The following NOPCHAP1 variants were observed in gnomAD, a reference collection of about 807,000 sequenced individuals.
NOPCHAP1 encodes DNA damage-sensitive RNA 1.
A neutral mutation model predicts 14.0 loss-of-function variants in NOPCHAP1; 13 were observed. The ratio of observed to expected loss-of-function variants is 0.93; its 90% CI spans 0.60 to 1.47. NOPCHAP1 has a LOEUF of 1.47. NOPCHAP1 is among the 40% of genes most tolerant of loss of function. NOPCHAP1 has a pLI of 0.00. For synonymous variants in NOPCHAP1, 78 were observed against 78.4 expected (o/e 1.00, Z 0.03); for missense variants, 230 against 226.9 (o/e 1.01, Z -0.09).
chr12:104,988,748 A>G (rs1008526443), intron 2 of NOPCHAP1, among the ~76,000 whole-genome samples: 1 of 152,216 alleles, frequency 6.6e-6, no homozygotes, highest in African/African-American at 2.4e-5. Context: ...CACTCTTAAT[A>G]TTAAAAAAAG....
rs1873763454 is a variant in NOPCHAP1, at chr12:105,009,077, A to G, written c.*14381A>G. On this transcript the variant is annotated 3_prime_UTR_variant, in exon 4 of 4. Transcript: ENST00000552951. ...GAATCTATAAATTACTTTAGGCAGT[A>G]TGGCCATTTTCACGATATTGATTCT... The G allele has an allele frequency of 6.6e-6, 1 of 152,134 alleles. No homozygotes were observed. Among genetic ancestry groups the G allele is most frequent in the Non-Finnish European group, 1.5e-5 (1 of 68,014 alleles). 9.4% of individuals were successfully genotyped at this position (152,134 alleles called of 1,614,324 possible). A position where few individuals can be genotyped will look rare whatever the true frequency, so the allele number is the denominator to read the frequency against.
At chr12:104,988,734 A>G (rs1010007561) in intron 2 of NOPCHAP1, among the ~76,000 whole-genome samples, 2 of 152,200 alleles carry the variant, frequency 1.3e-5, no homozygotes, top group Non-Finnish European at 2.9e-5. Flanking sequence ...CCCTCTATGT[A>G]ATTCACTCTT....
In NOPCHAP1 at chr12:105,005,952, C is replaced by T. The variant is rs972212020; in HGVS notation, c.*11256C>T. ...ACTGATGCTTCTCCATCTTCCTCAT[C>T]GTCTGGCACTGTGGCTCAGAAGCAT... On this transcript the variant is annotated 3_prime_UTR_variant, in exon 4 of 4. Coordinates refer to ENST00000552951, the MANE Select transcript of NOPCHAP1 (RefSeq NM_152318.3). 2 of 152,300 alleles carry T rather than the reference C, an allele frequency of 1.3e-5. No individual in the cohort carries two copies. The highest frequency in any genetic ancestry group is 4.8e-5 in the African/African-American group (2 of 41,464). 9.4% of individuals were successfully genotyped at this position (152,300 alleles called of 1,614,324 possible). A position where few individuals can be genotyped will look rare whatever the true frequency, so the allele number is the denominator to read the frequency against.
chr12:104,990,869 G>C (rs1191105226), intron 2 of NOPCHAP1, among the ~76,000 whole-genome samples: 1 of 152,058 alleles, frequency 6.6e-6, no homozygotes, highest in Non-Finnish European at 1.5e-5. Context: ...TCTTTTTATT[G>C]GGGGAAAAAT....
intron 3 of NOPCHAP1, among the ~76,000 whole-genome samples, chr12:104,993,367 A>G (rs904598490): frequency 4.0e-5 from 6 of 151,858 alleles, no homozygotes; most frequent in East Asian, 1.9e-4. Context: ...TTTATTGGGG[A>G]AAAAAAACCT....
chr12:104,988,038 T>C (rs1873280105), intron 1 of NOPCHAP1, 129 bp from the exon 2 acceptor site: 2 of 614,314 alleles, frequency 3.3e-6, no homozygotes, highest in Non-Finnish European at 5.6e-6. Flanking sequence ...GAGTTCTCCT[T>C]TAAAAAAAAA....
intron 2 of NOPCHAP1, among the ~76,000 whole-genome samples, chr12:104,988,655 T>C (rs1304198430): frequency 6.6e-6 from 1 of 152,212 alleles, no homozygotes; most frequent in Non-Finnish European, 1.5e-5. Context: ...GTTCTCTTTA[T>C]TATTCTGTAG....
rs1246444081 is a variant in NOPCHAP1, at chr12:105,002,259, AC to A, written c.*7565del. 6.6e-6 allele frequency: 1 copy of A among 152,082 alleles called. No homozygotes were observed. Among genetic ancestry groups the A allele is most frequent in the African/African-American group, 2.4e-5 (1 of 41,404 alleles). 9.4% of individuals were successfully genotyped at this position (152,082 alleles called of 1,614,324 possible). A position where few individuals can be genotyped will look rare whatever the true frequency, so the allele number is the denominator to read the frequency against. ...TAATTAGAGAGACATGAGCTTTTCGACCTTTAGTCTTTTACTTACTCTATTC... is the reference window on the plus strand; with the variant it reads ...TAATTAGAGAGACATGAGCTTTTCGACTTTAGTCTTTTACTTACTCTATTC... On this transcript the variant is annotated 3_prime_UTR_variant, in exon 4 of 4. Transcript: ENST00000552951.
In NOPCHAP1 at chr12:105,017,171, G is replaced by A. The variant is rs1873963753; in HGVS notation, c.*22475G>A. ...TAAAAACTGCCTAGCAGGATAGTTT[G>A]TGTTACTCTGCCTGTATCCATGACC... On this transcript the variant is annotated 3_prime_UTR_variant, in exon 4 of 4. Coordinates refer to ENST00000552951, the MANE Select transcript of NOPCHAP1 (RefSeq NM_152318.3). The A allele has an allele frequency of 6.6e-6, 1 of 152,068 alleles. No homozygotes were observed. Among genetic ancestry groups the A allele is most frequent in the African/African-American group, 2.4e-5 (1 of 41,382 alleles). The allele number at this position is 152,068 out of a possible 1,614,324, so 9.4% of individuals were successfully genotyped here.
rs1369508432 is a variant in NOPCHAP1 at position 105,008,656 on chromosome 12, T to G, written c.*13960T>G. The G allele has an allele frequency of 1.3e-5, 2 of 152,244 alleles. No homozygotes were observed. Among genetic ancestry groups the G allele is most frequent in the African/African-American group, 4.8e-5 (2 of 41,466 alleles). 9.4% of individuals were successfully genotyped at this position (152,244 alleles called of 1,614,324 possible). On this transcript the variant is annotated 3_prime_UTR_variant, in exon 4 of 4. Transcript: ENST00000552951. ...CTTTAATCCATCGTGAGTTAATTTTTGTATAAGGTGTAAGAAAGGGGTCCA... is the reference window on the plus strand; with the variant it reads ...CTTTAATCCATCGTGAGTTAATTTTGGTATAAGGTGTAAGAAAGGGGTCCA...
intron 2 of NOPCHAP1, among the ~76,000 whole-genome samples, chr12:104,988,708 C>A (rs780098729): frequency 4.6e-5 from 7 of 152,116 alleles, no homozygotes; most frequent in Non-Finnish European, 1.0e-4. Flanking sequence ...CACACTCAGA[C>A]TTTATTACAC....
chr12:104,986,942 G>A (rs962836384), intron 1 of NOPCHAP1, among the ~76,000 whole-genome samples: 4 of 152,276 alleles, frequency 2.6e-5, no homozygotes, highest in East Asian at 3.9e-4. Context: ...ATGCATCCAG[G>A]AAATCCACAC....
At position 104,998,753 on chromosome 12, in the gene NOPCHAP1, AGTGGCT is replaced by A. The variant is rs1228401477; in HGVS notation, c.*4062_*4067del. 3 of 152,748 alleles carry A rather than the reference AGTGGCT, an allele frequency of 2.0e-5. No homozygotes were observed. The highest frequency in any genetic ancestry group is 4.4e-5 in the Non-Finnish European group (3 of 68,896). The allele number at this position is 152,748 out of a possible 1,614,324, so 9.5% of individuals were successfully genotyped here. A position where few individuals can be genotyped will look rare whatever the true frequency, so the allele number is the denominator to read the frequency against. On this transcript the variant is annotated 3_prime_UTR_variant, in exon 4 of 4. Transcript: ENST00000552951. ...GTGCTGTTTTTGTGCAGGCATTTGT[AGTGGCT>A]GTGGTGTTAGCATGGGGGTGGGGCG...
chr12:104,991,870 A>G (rs1342357972), intron 3 of NOPCHAP1, 22 bp downstream of exon 3: 5 of 1,582,098 alleles, frequency 3.2e-6, no homozygotes, highest in Non-Finnish European at 4.3e-6. Flanking sequence ...TTGTTTTCAT[A>G]TGGTGAAATT....
rs146835742 is a variant in NOPCHAP1 at position 105,003,057 on chromosome 12, T to C, written c.*8361T>C. The C allele has an allele frequency of 7.4e-4, 112 of 152,338 alleles. No homozygotes were observed. The highest frequency in any genetic ancestry group is 2.5e-3 in the African/African-American group (106 of 41,572). 9.4% of individuals were successfully genotyped at this position (152,338 alleles called of 1,614,324 possible). On this transcript the variant is annotated 3_prime_UTR_variant, in exon 4 of 4. Coordinates refer to ENST00000552951, the MANE Select transcript of NOPCHAP1 (RefSeq NM_152318.3). ...TCAGTCAAGATACAGTCTTTTTTTGTATCATCCTTAAGCTACTTAAGGTTT... is the reference window on the plus strand; with the variant it reads ...TCAGTCAAGATACAGTCTTTTTTTGCATCATCCTTAAGCTACTTAAGGTTT...
In NOPCHAP1 at chr12:104,995,847, AT is replaced by A. The variant is rs774796821; in HGVS notation, c.*1165del. 346 of 143,086 alleles carry A rather than the reference AT, an allele frequency of 2.4e-3. No homozygotes were observed. Among genetic ancestry groups the A allele is most frequent in the Admixed American group, 2.6e-3 (37 of 14,316 alleles). The allele number at this position is 143,086 out of a possible 1,614,324, so 8.9% of individuals were successfully genotyped here. A position where few individuals can be genotyped will look rare whatever the true frequency, so the allele number is the denominator to read the frequency against. On this transcript the variant is annotated 3_prime_UTR_variant, in exon 4 of 4. Coordinates refer to ENST00000552951, the MANE Select transcript of NOPCHAP1 (RefSeq NM_152318.3). ...AGGCGCCCACCACCATGCCCGGCTA[AT>A]TTTTTTTTTTTTTGTATTTTTAGTA...
In NOPCHAP1 at chr12:104,996,880, G is replaced by A. The variant is rs901979949; in HGVS notation, c.*2184G>A. 3 of 152,090 alleles carry A rather than the reference G, an allele frequency of 2.0e-5. No individual in the cohort carries two copies. The highest frequency in any genetic ancestry group is 2.9e-5 in the Non-Finnish European group (2 of 68,008). The allele number at this position is 152,090 out of a possible 1,614,324, so 9.4% of individuals were successfully genotyped here. A position where few individuals can be genotyped will look rare whatever the true frequency, so the allele number is the denominator to read the frequency against. On this transcript the variant is annotated 3_prime_UTR_variant, in exon 4 of 4. Transcript: ENST00000552951. ...TTTGTCTTTTTTTATTTTTGTAAAA[G>A]TATGTTTTGTCTGAAATTAAAATAG...
chr12:104,986,510 A>G (rs1240562949), intron 1 of NOPCHAP1, 43 bp downstream of exon 1: 1 of 1,504,078 alleles, frequency 6.6e-7, no homozygotes, highest in Non-Finnish European at 9.0e-7. Flanking sequence ...CACGTGCGGC[A>G]GAGGAGGCGC....
At position 105,004,477 on chromosome 12, in the gene NOPCHAP1, A is replaced by C. The variant is rs1873668918; in HGVS notation, c.*9781A>C. ...GCTACTTGGGAGGCTGAGACAGAAGAGTCACTTGAACCCAGGAGGTGGAGG... is the reference window on the plus strand; with the variant it reads ...GCTACTTGGGAGGCTGAGACAGAAGCGTCACTTGAACCCAGGAGGTGGAGG... On this transcript the variant is annotated 3_prime_UTR_variant, in exon 4 of 4. Coordinates refer to ENST00000552951, the MANE Select transcript of NOPCHAP1 (RefSeq NM_152318.3). 1 of 152,168 alleles carries C rather than the reference A, an allele frequency of 6.6e-6. No homozygotes were observed. The highest frequency in any genetic ancestry group is 6.5e-5 in the Admixed American group (1 of 15,276). The allele number at this position is 152,168 out of a possible 1,614,324, so 9.4% of individuals were successfully genotyped here.
Sources: gnomAD v4.1 joint callset for allele counts (sites outside exome capture counted in the v4.1 genomes callset) on GRCh38, gnomAD v4.1.1 for gene constraint, MANE v1.5 for transcripts, NCBI Gene and HGNC (gene_info 2026-07-23, HGNC 2026-07-21) for gene names.